Variants in PPP3R1 observed in about 807,000 individuals in gnomAD.
PPP3R1 encodes calcineurin subunit B type 1.
In PPP3R1, 5 loss-of-function variants were observed where a neutral mutation model predicts 22.6. That is an observed-to-expected ratio of 0.22 (90% CI 0.12 to 0.46). The LOEUF (loss-of-function observed/expected upper bound fraction) is 0.46. Ranked by LOEUF, PPP3R1 falls within the 20% of genes least tolerant of loss-of-function variation. PPP3R1 has a pLI of 0.99. For missense variants in PPP3R1, 61 were observed against 203.2 expected (o/e 0.30, Z 4.25); for synonymous variants, 56 against 65.2 (o/e 0.86, Z 0.68).
intron 2 of PPP3R1, among the ~76,000 whole-genome samples, chr2:68,201,662 G>A (rs1674977026): frequency 6.6e-6 from 1 of 152,016 alleles, no homozygotes. Context: ...ATTTTGCTAG[G>A]TACATATTCA....
chr2:68,205,579 A>G (rs1675102121), intron 2 of PPP3R1, among the ~76,000 whole-genome samples: 2 of 152,148 alleles, frequency 1.3e-5, no homozygotes, highest in Non-Finnish European at 2.9e-5. Context: ...TTAACACATC[A>G]TAACATTATC....
chr2:68,211,212 C>G (rs368532399), intron 2 of PPP3R1, among the ~76,000 whole-genome samples: 4 of 150,552 alleles, frequency 2.7e-5, no homozygotes, highest in African/African-American at 1.0e-4. Context: ...TCAGACCATC[C>G]TGGCTAACAC....
chr2:68,203,855 T>C (rs1462383805), intron 2 of PPP3R1, among the ~76,000 whole-genome samples: 5 of 152,230 alleles, frequency 3.3e-5, no homozygotes, highest in Non-Finnish European at 7.3e-5. Context: ...GGGTTTCTAC[T>C]GGCAGTTCAT....
rs1185192975 is a variant in PPP3R1 at position 68,180,307 on chromosome 2, G to C, written c.*656C>G. The C allele has an allele frequency of 6.6e-6, 1 of 152,514 alleles. No individual in the cohort carries two copies. Among genetic ancestry groups the C allele is most frequent in the African/African-American group, 2.4e-5 (1 of 41,444 alleles). 9.4% of individuals were successfully genotyped at this position (152,514 alleles called of 1,614,324 possible). A position where few individuals can be genotyped will look rare whatever the true frequency, so the allele number is the denominator to read the frequency against. On this transcript the variant is annotated 3_prime_UTR_variant, in exon 6 of 6. Transcript: ENST00000234310. ...TGTATTAAAAGCTGCTCAGCAATGA[G>C]AAGTAGTCCCTGGATATATTCATAA...
intron 2 of PPP3R1, among the ~76,000 whole-genome samples, chr2:68,214,976 C>T (rs1359177197): frequency 6.6e-6 from 1 of 152,190 alleles, no homozygotes; most frequent in Non-Finnish European, 1.5e-5. Context: ...GAGATCGTGT[C>T]TTCTGCAGCA....
At chr2:68,222,013 A>G (rs2103778424) in intron 1 of PPP3R1, among the ~76,000 whole-genome samples, 1 of 152,304 alleles carries the variant, frequency 6.6e-6, no homozygotes, top group African/African-American at 2.4e-5. Context: ...AAATGATACC[A>G]GATGGAAAGC....
intron 5 of PPP3R1, among the ~76,000 whole-genome samples, chr2:68,182,996 C>G (rs1312584214): frequency 6.6e-6 from 1 of 152,152 alleles, no homozygotes; most frequent in Non-Finnish European, 1.5e-5. Context: ...GACTTTTTGT[C>G]TCCAGGCCTG....
intron 2 of PPP3R1, among the ~76,000 whole-genome samples, chr2:68,205,831 T>G (rs1021391069): frequency 2.6e-5 from 4 of 151,978 alleles, no homozygotes. Context: ...CTCTTCTTTT[T>G]TTTTTGAGAG....
At chr2:68,201,332 G>A (rs1553405404) in intron 2 of PPP3R1, among the ~76,000 whole-genome samples, 1 of 152,074 alleles carries the variant, frequency 6.6e-6, no homozygotes, top group Non-Finnish European at 1.5e-5. Context: ...CATTATTCAA[G>A]ACTTACTTAC....
At chr2:68,189,887 ATAAAT>A (rs1163662749) in intron 2 of PPP3R1, among the ~76,000 whole-genome samples, 1 of 152,068 alleles carries the variant, frequency 6.6e-6, no homozygotes, top group Non-Finnish European at 1.5e-5. Context: ...AAAAATAAAA[ATAAAT>A]TAAATACAAC....
intron 2 of PPP3R1, among the ~76,000 whole-genome samples, chr2:68,213,140 A>G (rs1481734359): frequency 1.6e-4 from 24 of 152,172 alleles, no homozygotes; most frequent in Admixed American, 1.6e-3. Context: ...TCGTTTGTTC[A>G]CTGGAGTTAG....
At chr2:68,224,993 C>A (rs1669755832) in intron 1 of PPP3R1, among the ~76,000 whole-genome samples, 1 of 152,166 alleles carries the variant, frequency 6.6e-6, no homozygotes, top group African/African-American at 2.4e-5. Flanking sequence ...TGAGATATTA[C>A]TATACAGGCA....
intron 1 of PPP3R1, among the ~76,000 whole-genome samples, chr2:68,218,962 A>G (rs938317741): frequency 1.3e-5 from 2 of 152,124 alleles, no homozygotes; most frequent in Non-Finnish European, 2.9e-5. Flanking sequence ...AGGGCTCCTA[A>G]GGACTTTCCC....
At chr2:68,182,560 A>C (rs1199422859) in intron 5 of PPP3R1, among the ~76,000 whole-genome samples, 3 of 151,834 alleles carry the variant, frequency 2.0e-5, no homozygotes, top group Non-Finnish European at 4.4e-5. Context: ...TCACGCCTGT[A>C]ATCCCAGCAC....
Position 68,181,024 on chromosome 2 carries a change from G to C in PPP3R1, c.466-14C>G. On this transcript the variant is annotated splice_polypyrimidine_tract_variant and intron_variant, in intron 5 of 5. Transcript: ENST00000234310. ...GCCACCTACAACCTGCAACAGACAGGAACAAATCAAGCTTCACAGTGTCTG... is the reference window on the plus strand; with the variant it reads ...GCCACCTACAACCTGCAACAGACAGCAACAAATCAAGCTTCACAGTGTCTG... 2 of 1,610,906 alleles carry C rather than the reference G, an allele frequency of 1.2e-6. No homozygotes were observed. The highest frequency in any genetic ancestry group is 1.7e-6 in the Non-Finnish European group (2 of 1,177,222).
chr2:68,217,063 T>A, intron 2 of PPP3R1, 29 bp downstream of exon 2: 1 of 1,520,198 alleles, frequency 6.6e-7, no homozygotes. Flanking sequence ...TGAATAAAAG[T>A]AACTTTTGGT....
intron 1 of PPP3R1, among the ~76,000 whole-genome samples, chr2:68,219,866 A>G (rs954182502): frequency 1.3e-5 from 2 of 152,240 alleles, no homozygotes; most frequent in Non-Finnish European, 2.9e-5. Flanking sequence ...ATCATGCCAC[A>G]TGACCAAGTT....
At chr2:68,183,117 T>C (rs548129311) in intron 5 of PPP3R1, among the ~76,000 whole-genome samples, 14 of 152,330 alleles carry the variant, frequency 9.2e-5, no homozygotes, top group African/African-American at 3.4e-4. Context: ...CTTATTGCAG[T>C]GGGAGCACAT....
At chr2:68,196,959 A>G (rs1396746545) in intron 2 of PPP3R1, among the ~76,000 whole-genome samples, 1 of 152,190 alleles carries the variant, frequency 6.6e-6, no homozygotes, top group Non-Finnish European at 1.5e-5. Flanking sequence ...TTCTGACCTC[A>G]GGTGATCTGC....
Sources: gnomAD v4.1 joint callset for allele counts (sites outside exome capture counted in the v4.1 genomes callset) on GRCh38, gnomAD v4.1.1 for gene constraint, MANE v1.5 for transcripts, NCBI Gene and HGNC (gene_info 2026-07-23, HGNC 2026-07-21) for gene names.